Variants in LMTK2 observed in about 807,000 individuals in gnomAD.
LMTK2 encodes the protein lemur tail kinase 2.
LMTK2 carries 37 observed loss-of-function variants against 127.5 expected under a neutral mutation model. The observed-to-expected ratio is 0.29, with a 90% confidence interval of 0.22 to 0.38. LMTK2 has a LOEUF of 0.38. Ranked by LOEUF, LMTK2 falls within the 10% of genes least tolerant of loss-of-function variation. The pLI is 1.00. For missense variants in LMTK2, 1,694 were observed against 1,920.3 expected (o/e 0.88, Z 2.20); for synonymous variants, 819 against 810.1 (o/e 1.01, Z -0.19).
intron 4 of LMTK2, among the ~76,000 whole-genome samples, chr7:98,154,165 G>A (rs1464201639): frequency 6.6e-6 from 1 of 152,110 alleles, no homozygotes; most frequent in African/African-American, 2.4e-5. Flanking sequence ...CTTGTAGCTA[G>A]TTCTCATGTG....
At chr7:98,198,676 C>G (rs991018115) in intron 11 of LMTK2, among the ~76,000 whole-genome samples, 1 of 152,026 alleles carries the variant, frequency 6.6e-6, no homozygotes, top group Non-Finnish European at 1.5e-5. Flanking sequence ...TTTTTTGTTT[C>G]GTCATGTTGC....
chr7:98,116,079 A>G (rs1796278427), intron 1 of LMTK2, among the ~76,000 whole-genome samples: 1 of 152,086 alleles, frequency 6.6e-6, no homozygotes, highest in Admixed American at 6.5e-5. Flanking sequence ...GATGGTCTAC[A>G]AAAGTAAAGT....
intron 6 of LMTK2, among the ~76,000 whole-genome samples, chr7:98,166,510 A>G (rs1426121564): frequency 6.6e-6 from 1 of 152,272 alleles, no homozygotes; most frequent in Non-Finnish European, 1.5e-5. Context: ...GTTATTACAA[A>G]AAGACTCAAA....
chr7:98,127,268 G>A (rs1796457014), intron 1 of LMTK2, among the ~76,000 whole-genome samples: 2 of 152,164 alleles, frequency 1.3e-5, no homozygotes, highest in Non-Finnish European at 1.5e-5. Context: ...GGGCTGCAGT[G>A]CTACTTGTCA....
At chr7:98,178,288 A>C (rs753719555) in intron 7 of LMTK2, among the ~76,000 whole-genome samples, 3 of 152,204 alleles carry the variant, frequency 2.0e-5, no homozygotes, top group Non-Finnish European at 4.4e-5. Context: ...TTATTTTGAA[A>C]ATGCCTCCTG....
intron 7 of LMTK2, among the ~76,000 whole-genome samples, chr7:98,173,160 G>A (rs1292510747): frequency 6.6e-6 from 1 of 152,212 alleles, no homozygotes; most frequent in Non-Finnish European, 1.5e-5. Flanking sequence ...AGAGGTGTGT[G>A]TGTCTTAAAC....
intron 1 of LMTK2, among the ~76,000 whole-genome samples, chr7:98,116,905 G>A (rs1226006764): frequency 6.6e-6 from 1 of 152,214 alleles, no homozygotes; most frequent in Admixed American, 6.5e-5. Flanking sequence ...TTTGTAGAAT[G>A]TCCCTCAACT....
chr7:98,140,116 TTC>T (rs1796657376), intron 2 of LMTK2, among the ~76,000 whole-genome samples: 1 of 3,210 alleles, frequency 3.1e-4, no homozygotes, highest in African/African-American at 8.4e-4. Flanking sequence ...CTTTCTTTCT[TTC>T]TTTCTTTCTT....
chr7:98,122,880 C>T (rs904048162), intron 1 of LMTK2, among the ~76,000 whole-genome samples: 1 of 152,050 alleles, frequency 6.6e-6, no homozygotes. Context: ...CTCCCTGTTG[C>T]CTCCGAAACA....
chr7:98,116,809 A>C (rs549550367), intron 1 of LMTK2, among the ~76,000 whole-genome samples: 1 of 152,330 alleles, frequency 6.6e-6, no homozygotes, highest in South Asian at 2.1e-4. Context: ...CATTACATTT[A>C]GTAGTTATGC....
chr7:98,144,073 T>G (rs1796734966), intron 3 of LMTK2, among the ~76,000 whole-genome samples: 1 of 152,192 alleles, frequency 6.6e-6, no homozygotes, highest in South Asian at 2.1e-4. Context: ...ATTTTTAAAA[T>G]GTATTTTATT....
rs760716018 is a variant in LMTK2, at chr7:98,190,822, G to A, written c.1093G>A (p.Glu365Lys). The change falls in exon 10 of 14, where the codon GAG becomes AAG. Residue 365 changes from glutamate to lysine, a missense_variant. Physicochemically the swap from Glu to Lys is moderately conservative, Grantham distance 56 (BLOSUM62 1). Around this residue, in one of 8 missense-constraint regions of LMTK2, gnomAD observed 216 missense variants for 266.8 expected, o/e 0.81. Transcript: ENST00000297293. The part of the protein sequence containing the change: ...NLDVLNQVIR[E>K]RDTKLPKPQL... Reference sequence around the variant, plus strand: ...AGATGTCCTCAACCAAGTCATTAGAGAGAGAGACACAAAACTCCCGAAGCC... The same window carrying A: ...AGATGTCCTCAACCAAGTCATTAGAAAGAGAGACACAAAACTCCCGAAGCC... The A allele has an allele frequency of 2.5e-6, 4 of 1,614,140 alleles. No homozygotes were observed. Among genetic ancestry groups the A allele is most frequent in the Admixed American group, 3.3e-5 (2 of 60,010 alleles).
chr7:98,118,727 G>A (rs1286698554), intron 1 of LMTK2, among the ~76,000 whole-genome samples: 1 of 152,148 alleles, frequency 6.6e-6, no homozygotes, highest in Non-Finnish European at 1.5e-5. Flanking sequence ...AGCTGAAAAT[G>A]CTTCAGGAAG....
Position 98,205,725 on chromosome 7 carries a change from C to T in LMTK2, c.*233C>T. ...CCGGCGTCCCTCAGTGCCCCGTGCA[C>T]CCGCGGCCGCGGCCTCCCAGGCAGT... On this transcript the variant is annotated 3_prime_UTR_variant, in exon 14 of 14. Transcript: ENST00000297293. 1.7e-6 allele frequency: 1 copy of T among 584,976 alleles called. No homozygotes were observed. Among genetic ancestry groups the T allele is most frequent in the South Asian group, 2.0e-5 (1 of 49,722 alleles). The allele number at this position is 584,976 out of a possible 1,614,324, so 36.2% of individuals were successfully genotyped here. A position where few individuals can be genotyped will look rare whatever the true frequency, so the allele number is the denominator to read the frequency against.
At position 98,166,858 on chromosome 7, in the gene LMTK2, A is replaced by G. The variant is rs536095105; in HGVS notation, c.658-4683A>G. Among the ~76,000 whole-genome samples, 21 of 152,352 alleles carry G rather than the reference A, an allele frequency of 1.4e-4. 1 individual carries two copies. Among genetic ancestry groups the G allele is most frequent in the South Asian group, 1.0e-3 (5 of 4,834 alleles). Reference sequence around the variant, plus strand: ...AACACATTTCTCAGAAGGCATCCCCAGTGTTAAGTGACACACGACTGTATT... The same window carrying G: ...AACACATTTCTCAGAAGGCATCCCCGGTGTTAAGTGACACACGACTGTATT... On this transcript the variant is annotated intron_variant, in intron 6 of 13. Coordinates refer to ENST00000297293, the MANE Select transcript of LMTK2 (RefSeq NM_014916.4).
At chr7:98,163,414 G>A (rs1348030756) in intron 6 of LMTK2, among the ~76,000 whole-genome samples, 1 of 152,124 alleles carries the variant, frequency 6.6e-6, no homozygotes, top group African/African-American at 2.4e-5. Context: ...ATCACTTGGC[G>A]TGGCCAGTCA....
intron 1 of LMTK2, among the ~76,000 whole-genome samples, chr7:98,131,457 T>C (rs1200244121): frequency 6.6e-6 from 1 of 152,170 alleles, no homozygotes; most frequent in East Asian, 1.9e-4. Context: ...TACATTCTTG[T>C]GGTGGTATTT....
chr7:98,172,200 C>T (rs150215793), intron 7 of LMTK2, among the ~76,000 whole-genome samples: 9 of 152,264 alleles, frequency 5.9e-5, no homozygotes, highest in African/African-American at 9.6e-5. Flanking sequence ...TGAGGCCCCC[C>T]GCTCCCGGGT....
In LMTK2 at chr7:98,193,548, C is replaced by T. The variant is rs367664123; in HGVS notation, c.3083C>T (p.Ala1028Val). 2 of 1,614,052 alleles carry T rather than the reference C, an allele frequency of 1.2e-6. No individual in the cohort carries two copies. The highest frequency in any genetic ancestry group is 2.7e-5 in the African/African-American group (2 of 74,924). Residue 1028 changes from alanine (A) to valine (V), a missense_variant, in exon 11 of 14, where the codon GCA becomes GTA. Ala to Val is a moderately conservative substitution (Grantham distance 64). This residue lies in a region of LMTK2 where 65 missense variants were observed against 116.5 expected (regional missense o/e 0.56). Coordinates refer to ENST00000297293, the MANE Select transcript of LMTK2 (RefSeq NM_014916.4). This position sits in a 1 kb window ranked among gnomAD's most constrained non-coding sequence, Gnocchi z 4.1. ...PQKLVPPDKP[A>V]DSGYETENLE... The stretch of plus-strand genomic sequence containing the variant: ...AAACTAGTGCCCCCCGATAAGCCGG[C>T]AGACAGTGGCTACGAAACAGAGAAC...
Sources: gnomAD v4.1 joint callset for allele counts (sites outside exome capture counted in the v4.1 genomes callset) on GRCh38, gnomAD v4.1.1 for gene constraint, gnomAD v4.1.1 regional missense constraint, Gnocchi (gnomAD v3.1) non-coding constraint, MANE v1.5 for transcripts, NCBI Gene and HGNC (gene_info 2026-07-23, HGNC 2026-07-21) for gene names.